Variants in JARID2 observed in about 807,000 individuals in gnomAD.
JARID2 encodes the protein protein Jumonji.
In JARID2, 21 loss-of-function variants were observed where a neutral mutation model predicts 125.6. The ratio of observed to expected loss-of-function variants is 0.17; its 90% CI spans 0.12 to 0.24. JARID2 has a LOEUF of 0.24. Among genes scored for constraint, JARID2 ranks in the 10% least tolerant of loss-of-function variants. JARID2 has a pLI of 1.00. For missense variants in JARID2, 1,303 were observed against 1,639.6 expected (o/e 0.79, Z 3.55); for synonymous variants, 736 against 661.6 (o/e 1.11, Z -1.73).
intron 17 of JARID2, among the ~76,000 whole-genome samples, chr6:15,518,535 G>GC (rs1771675672): frequency 6.6e-6 from 1 of 152,180 alleles, no homozygotes; most frequent in Non-Finnish European, 1.5e-5. Context: ...AGGCTGGAGT[G>GC]CAGTGGCGTG....
In JARID2 at chr6:15,468,694, C is replaced by A. The variant is rs145857477; in HGVS notation, c.646C>A (p.His216Asn). Residue 216 changes from histidine to asparagine, a missense_variant, in exon 5 of 18, where the codon CAC becomes AAC. Coordinates refer to ENST00000341776, the MANE Select transcript of JARID2 (RefSeq NM_004973.4). ...CQSTPRKGKT[H>N]KHVHNGHVFN... ...GTCGACCCCCAGGAAAGGAAAAACC[C>A]ACAAACATGTTCACAACGGGCATGG... 6.2e-7 allele frequency: 1 copy of A among 1,613,418 alleles called. No homozygotes were observed. Among genetic ancestry groups the A allele is most frequent in the Non-Finnish European group, 8.5e-7 (1 of 1,179,674 alleles).
chr6:15,461,469 A>T (rs1450494424), intron 4 of JARID2, among the ~76,000 whole-genome samples: 5 of 152,152 alleles, frequency 3.3e-5, no homozygotes, highest in Non-Finnish European at 2.9e-5. Flanking sequence ...TGAAGGAAAG[A>T]CTGGCCATGC....
chr6:15,418,257 C>T (rs1429471623), intron 3 of JARID2, among the ~76,000 whole-genome samples: 2 of 138,700 alleles, frequency 1.4e-5, no homozygotes, highest in Non-Finnish European at 1.5e-5. Context: ...CTTGCTCTGT[C>T]GCCAGGCTGG....
At chr6:15,514,134 G>A (rs563938584) in intron 16 of JARID2, among the ~76,000 whole-genome samples, 43 of 151,424 alleles carry the variant, frequency 2.8e-4, no homozygotes, top group Non-Finnish European at 4.6e-4. Context: ...CAGCCCAGAG[G>A]TGGGCTCAGA....
At chr6:15,247,700 A>C (rs1001000928) in intron 1 of JARID2, 11 of 985,390 alleles carry the variant, frequency 1.1e-5, no homozygotes, top group Non-Finnish European at 1.3e-5. Flanking sequence ...TTTGTAAAAA[A>C]ATATATTTAA....
At chr6:15,275,052 T>C (rs1210250289) in intron 1 of JARID2, among the ~76,000 whole-genome samples, 1 of 152,176 alleles carries the variant, frequency 6.6e-6, no homozygotes, top group Non-Finnish European at 1.5e-5. Flanking sequence ...ATTAAAAACC[T>C]CTGTTTTGTT....
At chr6:15,411,372 A>G (rs1282689472) in intron 3 of JARID2, among the ~76,000 whole-genome samples, 2 of 152,376 alleles carry the variant, frequency 1.3e-5, no homozygotes, top group African/African-American at 4.8e-5. Flanking sequence ...GTTGAGATGC[A>G]TAGCTCAAAG....
At chr6:15,393,055 G>A (rs1765084080) in intron 2 of JARID2, among the ~76,000 whole-genome samples, 1 of 152,284 alleles carries the variant, frequency 6.6e-6, no homozygotes, top group African/African-American at 2.4e-5. Flanking sequence ...GAGGCTATCA[G>A]TGCAGCCATA....
chr6:15,443,189 G>A (rs145313671), intron 3 of JARID2, among the ~76,000 whole-genome samples: 5 of 152,252 alleles, frequency 3.3e-5, no homozygotes, highest in Non-Finnish European at 7.4e-5. Flanking sequence ...TTCCTGATGT[G>A]GTGGTGATGT....
At position 15,302,678 on chromosome 6, in the gene JARID2, C is replaced by T. The variant is rs896703137; in HGVS notation, c.45+56094C>T. On this transcript the variant is annotated intron_variant, in intron 1 of 17. Transcript: ENST00000341776. ...TAGCCAACCTTAAGGCAAAGGATAA[C>T]ATATAACCTCATTTTGTATCTGTTT... Among the ~76,000 whole-genome samples the T allele has an allele frequency of 2.6e-5, 4 of 152,188 alleles. No homozygotes were observed. In the East Asian group the frequency reaches 5.8e-4, roughly 22 times the overall value.
intron 1 of JARID2, among the ~76,000 whole-genome samples, chr6:15,292,174 G>A (rs1353068743): frequency 1.3e-5 from 2 of 151,636 alleles, no homozygotes; most frequent in East Asian, 3.9e-4. Context: ...CCGCCACCTC[G>A]CCCGGCTAAT....
At chr6:15,354,212 A>G (rs1763523757) in intron 1 of JARID2, among the ~76,000 whole-genome samples, 1 of 152,214 alleles carries the variant, frequency 6.6e-6, no homozygotes, top group Non-Finnish European at 1.5e-5. Context: ...ACGAGAAGAC[A>G]GGACCGAAGG....
intron 1 of JARID2, among the ~76,000 whole-genome samples, chr6:15,289,056 CAAAT>C (rs776104568): frequency 1.6e-4 from 24 of 152,244 alleles, no homozygotes; most frequent in East Asian, 1.2e-3. Context: ...ACAGCACAGA[CAAAT>C]GAATGATCTT....
At chr6:15,450,947 G>T (rs1262355976) in intron 3 of JARID2, among the ~76,000 whole-genome samples, 4 of 152,178 alleles carry the variant, frequency 2.6e-5, no homozygotes, top group Non-Finnish European at 5.9e-5. Context: ...TGGATCACCT[G>T]AGGTCAGGAG....
intron 2 of JARID2, among the ~76,000 whole-genome samples, chr6:15,392,018 C>T (rs1765029548): frequency 1.3e-5 from 2 of 150,140 alleles, no homozygotes; most frequent in African/African-American, 2.5e-5. Context: ...TGTGAAGGCA[C>T]CAGTGCAGTG....
chr6:15,393,620 A>G (rs1015139909), intron 2 of JARID2, among the ~76,000 whole-genome samples: 15 of 152,236 alleles, frequency 9.9e-5, no homozygotes, highest in Admixed American at 9.8e-4. Flanking sequence ...ATGATGTTCC[A>G]TATTTATCGT....
chr6:15,435,172 T>A (rs1376023576), intron 3 of JARID2, among the ~76,000 whole-genome samples: 1 of 152,226 alleles, frequency 6.6e-6, no homozygotes, highest in Non-Finnish European at 1.5e-5. Flanking sequence ...CTCATGGTGC[T>A]TTATTTCCCC....
chr6:15,388,114 G>A (rs770484075), intron 2 of JARID2, among the ~76,000 whole-genome samples: 1 of 152,090 alleles, frequency 6.6e-6, no homozygotes, highest in Admixed American at 6.6e-5. Flanking sequence ...CTAAATCTTC[G>A]AATTCTGTGA....
At chr6:15,401,636 T>A (rs184493387) in intron 2 of JARID2, among the ~76,000 whole-genome samples, 1 of 152,198 alleles carries the variant, frequency 6.6e-6, no homozygotes. Context: ...CCTGAAGTGG[T>A]TCTGGATTGA....
Sources: allele counts gnomAD v4.1 joint callset (sites outside exome capture counted in the v4.1 genomes callset), GRCh38; gene constraint gnomAD v4.1.1; transcripts MANE v1.5; gene names NCBI Gene and HGNC (gene_info 2026-07-23, HGNC 2026-07-21).